ZNF469: variants seen among roughly 807,000 people sequenced by gnomAD.
ZNF469 encodes the protein zinc finger protein 469.
ZNF469 carries 1 observed loss-of-function variant against 1.0 expected under a neutral mutation model. That is an observed-to-expected ratio of 1.00 (90% CI 0.35 to 4.73). The LOEUF (loss-of-function observed/expected upper bound fraction) is 4.73. ZNF469 is among the 30% of genes most tolerant of loss of function. The pLI is 0.16. For missense variants in ZNF469, 6,100 were observed against 5,356.3 expected, an observed-to-expected ratio of 1.14 and a Z score of -4.33; for synonymous variants, 2,703 against 2,363.4, an observed-to-expected ratio of 1.14 and a Z score of -4.17.
At chr16:88,356,871 G>A in the ZNF469 span, among the ~76,000 whole-genome samples, 1 of 152,246 alleles carries the variant, frequency 6.6e-6, no homozygotes, top group African/African-American at 2.4e-5. Flanking sequence ...AGGGTCCGCA[G>A]ACTCTTGCTG....
At chr16:88,149,328 G>A in the ZNF469 span, among the ~76,000 whole-genome samples, 4 of 152,196 alleles carry the variant, frequency 2.6e-5, no homozygotes, top group East Asian at 1.9e-4. Flanking sequence ...AGTGCTGGGC[G>A]GGAGAGATTT....
chr16:88,426,896 C>T (rs1009234930), intron 2 of ZNF469, among the ~76,000 whole-genome samples: 9 of 152,166 alleles, frequency 5.9e-5, no homozygotes, highest in African/African-American at 2.2e-4. Flanking sequence ...CTCCCCATGG[C>T]AGGTGTAAGC....
chr16:88,431,625 C>T lies in ZNF469; in HGVS notation c.4155C>T (p.Leu1385=), dbSNP rs747930231. The T allele has an allele frequency of 1.1e-5, 17 of 1,550,368 alleles. No homozygotes were observed. The highest frequency in any genetic ancestry group is 1.1e-4 in the South Asian group (9 of 84,070). The change falls in exon 3 of 3, where the codon CTC becomes CTT. Residue 1385 remains leucine, a synonymous_variant. Coordinates refer to ENST00000565624, the MANE Select transcript of ZNF469 (RefSeq NM_001367624.2). ...PYSSPHSELF[L]GPKDLAGCFL... ...GCAGCCCCCACAGTGAGTTGTTCCT[C>T]GGACCCAAAGACCTGGCTGGCTGTT...
the ZNF469 span, among the ~76,000 whole-genome samples, chr16:88,313,255 G>T: frequency 6.6e-6 from 1 of 152,104 alleles, no homozygotes; most frequent in African/African-American, 2.4e-5. Flanking sequence ...GAAAGCTGTT[G>T]ATATTTGAAT....
the ZNF469 span, among the ~76,000 whole-genome samples, chr16:88,322,896 G>A: frequency 8.7e-5 from 13 of 149,634 alleles, no homozygotes; most frequent in African/African-American, 3.2e-4. Flanking sequence ...ACTGTCGGAG[G>A]CAAGGAGACG....
the ZNF469 span, among the ~76,000 whole-genome samples, chr16:88,332,883 T>C: frequency 1.3e-5 from 2 of 152,120 alleles, no homozygotes; most frequent in East Asian, 3.9e-4. Flanking sequence ...GCCCCTTGAG[T>C]CTGGGCACTG....
chr16:88,208,336 T>C, the ZNF469 span, among the ~76,000 whole-genome samples: 8 of 151,056 alleles, frequency 5.3e-5, no homozygotes, highest in African/African-American at 2.0e-4. Flanking sequence ...TCTGGAACTT[T>C]TCCCATGAAG....
the ZNF469 span, among the ~76,000 whole-genome samples, chr16:88,282,745 G>C: frequency 6.6e-6 from 1 of 152,200 alleles, no homozygotes; most frequent in Non-Finnish European, 1.5e-5. Flanking sequence ...CACCCGTAAA[G>C]GGTCATCCCT....
At chr16:88,185,398 C>T in the ZNF469 span, among the ~76,000 whole-genome samples, 2 of 151,210 alleles carry the variant, frequency 1.3e-5, no homozygotes, top group Non-Finnish European at 2.9e-5. Flanking sequence ...AACACACACA[C>T]ATTTGCACTT....
chr16:88,438,075 C>T lies in ZNF469; in HGVS notation c.10605C>T (p.Thr3535=). 6.4e-7 allele frequency: 1 copy of T among 1,550,416 alleles called. No homozygotes were observed. The highest frequency in any genetic ancestry group is 8.7e-7 in the Non-Finnish European group (1 of 1,146,968). ...TAGAGAGGCCTGTAGACCCCGTGAC[C>T]CACCCGATCAGAGGTTGTGAGCTGC... The part of the protein sequence containing the change: ...ETLERPVDPV[T]HPIRGCELPS... The change falls in exon 3 of 3, where the codon ACC becomes ACT. Residue 3535 remains threonine (T), a synonymous_variant. Transcript: ENST00000565624.
the ZNF469 span, among the ~76,000 whole-genome samples, chr16:88,147,334 G>T: frequency 6.6e-6 from 1 of 152,014 alleles, no homozygotes; most frequent in Admixed American, 6.5e-5. Flanking sequence ...GGAGTCCCAC[G>T]TCGACCTCTG....
the ZNF469 span, among the ~76,000 whole-genome samples, chr16:88,230,913 G>A: frequency 6.6e-6 from 1 of 152,184 alleles, no homozygotes; most frequent in Non-Finnish European, 1.5e-5. Flanking sequence ...TCAGCATGCT[G>A]GGGACGGTGA....
Position 88,428,295 on chromosome 16 carries a change from C to G in ZNF469, c.825C>G (p.Phe275Leu). ...GGSPRGVSFQFPFPALHGAST... is the reference protein window; with the variant it reads ...GGSPRGVSFQLPFPALHGAST... ...GCCCCAGGGGAGTTTCCTTCCAGTTCCCCTTCCCGGCACTGCATGGGGCCA... is the reference window on the plus strand; with the variant it reads ...GCCCCAGGGGAGTTTCCTTCCAGTTGCCCTTCCCGGCACTGCATGGGGCCA... Residue 275 changes from phenylalanine (F) to leucine (L), a missense_variant, in exon 3 of 3, where the codon TTC becomes TTG. Physicochemically the swap from Phe to Leu is conservative, Grantham distance 22. Coordinates refer to ENST00000565624, the MANE Select transcript of ZNF469 (RefSeq NM_001367624.2). The G allele has an allele frequency of 6.5e-7, 1 of 1,550,380 alleles. No individual in the cohort carries two copies. The highest frequency in any genetic ancestry group is 8.7e-7 in the Non-Finnish European group (1 of 1,146,944).
the ZNF469 span, among the ~76,000 whole-genome samples, chr16:88,270,543 G>C: frequency 0.027 from 4,114 of 152,274 alleles, 204 homozygotes; most frequent in African/African-American, 0.094. Flanking sequence ...GCATGCTTCT[G>C]TGCCTGAGCT....
the ZNF469 span, among the ~76,000 whole-genome samples, chr16:88,201,232 C>G: frequency 3.9e-5 from 6 of 152,342 alleles, no homozygotes; most frequent in African/African-American, 1.2e-4. The surrounding 1 kb of genome is among the most constrained non-coding windows in gnomAD (Gnocchi z 5.0). Context: ...TGCATTGTGT[C>G]TTCTTTTTAA....
chr16:88,208,393 T>C, the ZNF469 span, among the ~76,000 whole-genome samples: 459 of 149,616 alleles, frequency 3.1e-3, 3 homozygotes, highest in African/African-American at 0.011. Context: ...ACGTGGGTGC[T>C]AGTGCGCTCA....
At chr16:88,149,649 C>T in the ZNF469 span, among the ~76,000 whole-genome samples, 8 of 152,122 alleles carry the variant, frequency 5.3e-5, no homozygotes, top group Non-Finnish European at 1.2e-4. Context: ...CCCCCCGCAC[C>T]CCCAGCAGCT....
In ZNF469 at chr16:88,429,467, C is replaced by G; in HGVS notation, c.1997C>G (p.Ala666Gly). ...SLPTHYQPEP[A>G]KAFPFPADGL... is the part of the protein sequence containing the mutation. ...CCCACCCACTACCAGCCAGAGCCAG[C>G]CAAGGCCTTCCCTTTTCCCGCAGAT... Residue 666 changes from alanine to glycine, a missense_variant, in exon 3 of 3, where the codon GCC becomes GGC. Coordinates refer to ENST00000565624, the MANE Select transcript of ZNF469 (RefSeq NM_001367624.2). 1 of 1,549,762 alleles carries G rather than the reference C, an allele frequency of 6.5e-7. No individual in the cohort carries two copies. Among genetic ancestry groups the G allele is most frequent in the Non-Finnish European group, 8.7e-7 (1 of 1,146,730 alleles).
the ZNF469 span, among the ~76,000 whole-genome samples, chr16:88,150,951 C>T: frequency 1.3e-5 from 2 of 151,870 alleles, no homozygotes; most frequent in African/African-American, 4.8e-5. Context: ...GAAGGGGTTT[C>T]GAGCCATGGA....
Sources: allele counts gnomAD v4.1 joint callset (sites outside exome capture counted in the v4.1 genomes callset), GRCh38; gene constraint gnomAD v4.1.1; non-coding constraint Gnocchi (gnomAD v3.1); transcripts MANE v1.5; gene names NCBI Gene and HGNC (gene_info 2026-07-23, HGNC 2026-07-21).